TOGARAM2: variants seen among roughly 807,000 people sequenced by gnomAD.
TOGARAM2 encodes TOG array regulator of axonemal microtubules protein 2.
In TOGARAM2, 85 loss-of-function variants were observed where a neutral mutation model predicts 93.3. The ratio of observed to expected loss-of-function variants is 0.91; its 90% confidence interval spans 0.76 to 1.09. The LOEUF (loss-of-function observed/expected upper bound fraction) is 1.09, where lower values mean the gene tolerates loss of function less well. Ranked by LOEUF, TOGARAM2 falls within the 50% of genes least tolerant of loss-of-function variation. TOGARAM2 has a pLI of 0.00. For synonymous variants in TOGARAM2, 593 were observed against 552.8 expected, an observed-to-expected ratio of 1.07 and a Z score of -1.02; for missense variants, 1,277 against 1,334.5, an observed-to-expected ratio of 0.96 and a Z score of 0.67.
intron 14 of TOGARAM2, among the ~76,000 whole-genome samples, chr2:29,031,474 G>T (rs935460414): frequency 1.3e-5 from 2 of 152,226 alleles, no homozygotes; most frequent in African/African-American, 4.8e-5. Context: ...TTTCAGAAGT[G>T]ATTTTTGGAT....
intron 1 of TOGARAM2, among the ~76,000 whole-genome samples, chr2:28,976,059 C>A (rs915764618): frequency 6.6e-6 from 1 of 152,190 alleles, no homozygotes; most frequent in Admixed American, 6.5e-5. Context: ...TATTTCTTTG[C>A]ATGTTCTTAT....
At chr2:29,005,540 G>A (rs963246033) in intron 6 of TOGARAM2, among the ~76,000 whole-genome samples, 2 of 149,870 alleles carry the variant, frequency 1.3e-5, no homozygotes, top group African/African-American at 4.9e-5. Context: ...CATGTGTGGT[G>A]TGTGTTCATG....
intron 14 of TOGARAM2, among the ~76,000 whole-genome samples, chr2:29,028,970 G>A (rs372941668): frequency 2.0e-5 from 3 of 152,198 alleles, no homozygotes; most frequent in South Asian, 2.1e-4. Flanking sequence ...AGATGTTGGC[G>A]TGGATGTGGT....
rs759108955 is a variant in TOGARAM2, at chr2:29,017,905, C to T, written c.1309C>T (p.Pro437Ser). The T allele has an allele frequency of 2.3e-5, 37 of 1,611,896 alleles. No homozygotes were observed. The highest frequency in any genetic ancestry group is 3.3e-4 in the Middle Eastern group (2 of 6,072). ...LRKWASRASLPSIPISRQEPR... is the reference protein window; with the variant it reads ...LRKWASRASLSSIPISRQEPR... Reference sequence around the variant, plus strand: ...GAAGTGGGCCAGCCGGGCCTCCCTGCCCAGCATCCCCATCAGCCGGCAGGA... The same window carrying T: ...GAAGTGGGCCAGCCGGGCCTCCCTGTCCAGCATCCCCATCAGCCGGCAGGA... The change falls in exon 10 of 20, where the codon CCC becomes TCC. Residue 437 changes from proline (P) to serine (S), a missense_variant. Coordinates refer to ENST00000379558, the MANE Select transcript of TOGARAM2 (RefSeq NM_199280.4).
intron 17 of TOGARAM2, among the ~76,000 whole-genome samples, 152 bp downstream of exon 17, chr2:29,035,808 T>A (rs6752579): frequency 6.6e-6 from 1 of 152,124 alleles, no homozygotes; most frequent in South Asian, 2.1e-4. Flanking sequence ...AGTGGCTGAG[T>A]GGGCAAGGGC....
At chr2:28,989,014 G>A (rs1402109650) in intron 1 of TOGARAM2, among the ~76,000 whole-genome samples, 3 of 152,164 alleles carry the variant, frequency 2.0e-5, no homozygotes, top group Non-Finnish European at 4.4e-5. Flanking sequence ...TCCCTGGGAT[G>A]TTCCTTAGCT....
intron 4 of TOGARAM2, among the ~76,000 whole-genome samples, chr2:29,000,781 C>G (rs1236541851): frequency 1.3e-5 from 2 of 152,060 alleles, no homozygotes; most frequent in African/African-American, 4.8e-5. Flanking sequence ...CAGGACAATG[C>G]CAGGGAGCCT....
intron 6 of TOGARAM2, among the ~76,000 whole-genome samples, chr2:29,006,211 TTG>T (rs1210870350): frequency 1.5e-5 from 2 of 131,864 alleles, no homozygotes; most frequent in Admixed American, 7.5e-5. Flanking sequence ...GTGCATGTGT[TTG>T]TGTGTGTGAC....
At chr2:29,008,428 G>A (rs1045995616) in intron 6 of TOGARAM2, among the ~76,000 whole-genome samples, 2 of 149,592 alleles carry the variant, frequency 1.3e-5, no homozygotes, top group East Asian at 2.0e-4. Flanking sequence ...TGGGATTACA[G>A]GCGTGAGCCA....
At chr2:29,021,959 G>A (rs1558442784) in intron 10 of TOGARAM2, among the ~76,000 whole-genome samples, 199 bp from the exon 11 acceptor site, 1 of 152,172 alleles carries the variant, frequency 6.6e-6, no homozygotes, top group Non-Finnish European at 1.5e-5. Flanking sequence ...AGAGTTAGGA[G>A]GTCTTCATGG....
At chr2:28,968,452 G>A (rs115611362) in intron 1 of TOGARAM2, among the ~76,000 whole-genome samples, 1 of 151,796 alleles carries the variant, frequency 6.6e-6, no homozygotes, top group African/African-American at 2.4e-5. Flanking sequence ...CGCAGCGGAG[G>A]TTGTCCATTT....
intron 6 of TOGARAM2, 51 bp from the exon 7 acceptor site, chr2:29,011,404 T>C: frequency 6.3e-7 from 1 of 1,584,790 alleles, no homozygotes; most frequent in Non-Finnish European, 8.6e-7. Context: ...CCCAGCAGTG[T>C]CTCTGGCTGG....
chr2:29,018,253 A>G (rs1664717866), intron 10 of TOGARAM2: 2 of 357,388 alleles, frequency 5.6e-6, no homozygotes, highest in East Asian at 8.9e-5. Context: ...ACACTAGACA[A>G]TAGCACCCAA....
At chr2:28,961,004 G>A (rs1671798686) in intron 1 of TOGARAM2, among the ~76,000 whole-genome samples, 1 of 152,178 alleles carries the variant, frequency 6.6e-6, no homozygotes, top group African/African-American at 2.4e-5. Context: ...TAATGACAAA[G>A]TCTTTCTTTT....
At chr2:29,023,215 TG>T in intron 12 of TOGARAM2, 24 bp downstream of exon 12, 1 of 1,554,046 alleles carries the variant, frequency 6.4e-7, no homozygotes. Context: ...GCCTGTGTGC[TG>T]TGCATTTGGC....
intron 6 of TOGARAM2, among the ~76,000 whole-genome samples, chr2:29,010,073 G>A (rs58055236): frequency 0.23 from 34,218 of 151,698 alleles, 4,276 homozygotes; most frequent in East Asian, 0.46. Context: ...GGCGCAGAGC[G>A]GGGGAGGCTG....
intron 1 of TOGARAM2, among the ~76,000 whole-genome samples, chr2:28,985,143 G>A (rs1212691482): frequency 6.6e-6 from 1 of 152,124 alleles, no homozygotes. Context: ...TCGTGAGGGT[G>A]GTTGTCTCAT....
chr2:29,013,032 G>A lies in TOGARAM2; in HGVS notation c.878-1363G>A, dbSNP rs370005892. Among the ~76,000 whole-genome samples the A allele has an allele frequency of 1.4e-4, 21 of 152,340 alleles. No individual in the cohort carries two copies. In the East Asian group the frequency reaches 2.9e-3, roughly 21 times the overall value. ...TGGGAGCTCTGCACGGGCCCCAGAG[G>A]TAAGATGCCTTTTCCAGCCTCAGGC... On this transcript the variant is annotated intron_variant, in intron 7 of 19. Transcript: ENST00000379558.
intron 12 of TOGARAM2, among the ~76,000 whole-genome samples, 169 bp from the exon 13 acceptor site, chr2:29,023,970 G>A (rs960028624): frequency 6.6e-6 from 1 of 152,148 alleles, no homozygotes; most frequent in African/African-American, 2.4e-5. Context: ...AACAAAATGG[G>A]ACAGTTTTGC....
Sources: gnomAD v4.1 joint callset for allele counts (sites outside exome capture counted in the v4.1 genomes callset) on GRCh38, gnomAD v4.1.1 for gene constraint, MANE v1.5 for transcripts, NCBI Gene and HGNC (gene_info 2026-07-23, HGNC 2026-07-21) for gene names.